Variants in HEXD observed in about 807,000 individuals in gnomAD.
HEXD encodes N-acetyl-beta-galactosaminidase.
In HEXD, 47 loss-of-function variants were observed where a neutral mutation model predicts 54.2. The observed-to-expected ratio is 0.87, with a 90% CI of 0.69 to 1.11. The LOEUF (loss-of-function observed/expected upper bound fraction) is 1.11. HEXD is among the 50% of genes least tolerant of loss of function. HEXD has a pLI of 0.00. For missense variants in HEXD, 576 were observed against 649.2 expected (o/e 0.89, Z 1.23); for synonymous variants, 293 against 287.6 (o/e 1.02, Z -0.19).
At chr17:82,423,602 C>T (rs2143398925) in intron 2 of HEXD, 1 of 152,322 alleles carries the variant, frequency 6.6e-6, no homozygotes, top group African/African-American at 2.4e-5. Context: ...TACCTGAGGT[C>T]AGGAGTTCGA....
chr17:82,431,418 C>G (rs1457239724), intron 4 of HEXD, among the ~76,000 whole-genome samples: 1 of 151,184 alleles, frequency 6.6e-6, no homozygotes, highest in African/African-American at 2.4e-5. Context: ...GCCTCTGCCT[C>G]CCTAAGTGCT....
intron 2 of HEXD, among the ~76,000 whole-genome samples, chr17:82,422,841 G>C (rs1041192815): frequency 9.9e-5 from 15 of 152,124 alleles, no homozygotes; most frequent in Admixed American, 3.3e-4. Context: ...TGGATCACCT[G>C]AGGTCAGGAG....
chr17:82,436,809 C>T, intron 7 of HEXD, 71 bp downstream of exon 7: 1 of 1,427,678 alleles, frequency 7.0e-7, no homozygotes, highest in Non-Finnish European at 9.7e-7. Context: ...GGCCCTGTGA[C>T]CCTGCAGCCG....
chr17:82,419,164 G>A (rs2053156849), intron 1 of HEXD, among the ~76,000 whole-genome samples: 1 of 152,136 alleles, frequency 6.6e-6, no homozygotes, highest in Non-Finnish European at 1.5e-5. Flanking sequence ...TTATCCCTTG[G>A]ATGCCGCCTT....
At chr17:82,435,896 G>T (rs372898846) in intron 6 of HEXD, 24 bp downstream of exon 6, 7 of 1,592,608 alleles carry the variant, frequency 4.4e-6, no homozygotes, top group Non-Finnish European at 6.0e-6. Context: ...GCTGGGGGAG[G>T]GGGTGGGCCA....
At chr17:82,429,871 C>T (rs376584590) in intron 4 of HEXD, among the ~76,000 whole-genome samples, 2 of 152,192 alleles carry the variant, frequency 1.3e-5, no homozygotes, top group African/African-American at 2.4e-5. Flanking sequence ...TCCTCTTCCT[C>T]TTCTGTCTGC....
chr17:82,428,801 A>G (rs2053495293), intron 4 of HEXD, among the ~76,000 whole-genome samples, 156 bp downstream of exon 4: 1 of 152,144 alleles, frequency 6.6e-6, no homozygotes, highest in Non-Finnish European at 1.5e-5. Context: ...TGGTCTAGGA[A>G]GTCCCTGCCT....
rs1225492968 is a variant in HEXD, at chr17:82,433,120, ATATATATATTT to A, written c.283-536_283-526del. 4.6e-3 allele frequency among the ~76,000 whole-genome samples: 83 copies of A among 18,196 alleles called. 13 individuals are homozygous for A. The highest frequency in any genetic ancestry group is 0.027 in the African/African-American group (52 of 1,922). 11.9% of individuals were successfully genotyped at this position (18,196 alleles called of 152,430 possible). ...TATATATATATATATATATATATATATATATATATTTTTTTTTTTTTTTTATATATATATTT... is the reference window on the plus strand; with the variant it reads ...TATATATATATATATATATATATATATTTTTTTTTTTTTATATATATATTT... On this transcript the variant is annotated intron_variant, in intron 4 of 12. Coordinates refer to ENST00000327949, the MANE Select transcript of HEXD (RefSeq NM_001330542.2).
chr17:82,433,145 AT>A lies in HEXD; in HGVS notation c.283-512del, dbSNP rs1318392922. On this transcript the variant is annotated intron_variant, in intron 4 of 12. Coordinates refer to ENST00000327949, the MANE Select transcript of HEXD (RefSeq NM_001330542.2). Reference sequence around the variant, plus strand: ...ATATATATATTTTTTTTTTTTTTTTATATATATATTTTTAGTCTGGGCGTGG... The same window carrying A: ...ATATATATATTTTTTTTTTTTTTTTAATATATATTTTTAGTCTGGGCGTGG... Among the ~76,000 whole-genome samples the A allele has an allele frequency of 1.4e-4, 5 of 34,740 alleles. 1 individual carries two copies. Among genetic ancestry groups the A allele is most frequent in the Non-Finnish European group, 2.8e-4 (5 of 17,632 alleles). The allele number at this position is 34,740 out of a possible 152,430, so 22.8% of individuals were successfully genotyped here. A position where few individuals can be genotyped will look rare whatever the true frequency, so the allele number is the denominator to read the frequency against.
chr17:82,433,128 ATTTTTTTTTTT>A (rs758489285), intron 4 of HEXD, among the ~76,000 whole-genome samples: 756 of 12,984 alleles, frequency 0.058, 88 homozygotes, highest in East Asian at 0.15. Context: ...ATATATATAT[ATTTTTTTTTTT>A]TTTTTATATA....
In HEXD at chr17:82,433,597, G is replaced by A. The variant is rs1599742009; in HGVS notation, c.283-61G>A. On this transcript the variant is annotated intron_variant, in intron 4 of 12. Transcript: ENST00000327949. ...AGATTTGAAACAGAAGCCCCAGGTG[G>A]GCAGAAGGAGATCAGTCCAGCTCCT... is the stretch of plus-strand genomic sequence containing the variant. The A allele has an allele frequency of 2.1e-6, 3 of 1,451,696 alleles. No homozygotes were observed. The East Asian group carries it at 8.1e-5, about 39-fold the overall frequency. 89.9% of individuals were successfully genotyped at this position (1,451,696 alleles called of 1,614,324 possible).
At chr17:82,437,466 G>A in intron 8 of HEXD, 103 bp downstream of exon 8, 1 of 1,061,880 alleles carries the variant, frequency 9.4e-7, no homozygotes, top group Non-Finnish European at 1.3e-6. Flanking sequence ...GTTGGTCAAA[G>A]GGGAAGCAGC....
Position 82,442,616 on chromosome 17 carries a change from T to C in HEXD, c.*232T>C. Reference sequence around the variant, plus strand: ...GATCTGCATGTGTGACACTGATTCTTTGGAAATAAAGAGTGGAAGCTGCAG... The same window carrying C: ...GATCTGCATGTGTGACACTGATTCTCTGGAAATAAAGAGTGGAAGCTGCAG... On this transcript the variant is annotated 3_prime_UTR_variant, in exon 13 of 13. Coordinates refer to ENST00000327949, the MANE Select transcript of HEXD (RefSeq NM_001330542.2). This position sits in a 1 kb window ranked among gnomAD's most constrained non-coding sequence, Gnocchi z 6.8. The C allele has an allele frequency of 3.9e-6, 6 of 1,544,578 alleles. No individual in the cohort carries two copies. The highest frequency in any genetic ancestry group is 4.4e-6 in the Non-Finnish European group (5 of 1,138,864).
intron 4 of HEXD, among the ~76,000 whole-genome samples, chr17:82,430,262 A>G (rs962135732): frequency 1.3e-5 from 2 of 152,226 alleles, no homozygotes; most frequent in African/African-American, 4.8e-5. Context: ...GCCACAAACC[A>G]GGTGGCTTAA....
chr17:82,439,848 G>A (rs937534357), intron 9 of HEXD, 135 bp downstream of exon 9: 23 of 1,552,410 alleles, frequency 1.5e-5, no homozygotes, highest in South Asian at 4.6e-5. Flanking sequence ...TGGTCTCACC[G>A]CCCCAGCTCA....
chr17:82,423,262 C>T (rs2053290423), intron 2 of HEXD: 1 of 152,230 alleles, frequency 6.6e-6, no homozygotes, highest in Admixed American at 6.6e-5. Flanking sequence ...CTCAGGTGGT[C>T]ACAGCCCCGT....
At chr17:82,433,966 G>C in intron 5 of HEXD, 144 bp downstream of exon 5, 3 of 761,394 alleles carry the variant, frequency 3.9e-6, no homozygotes, top group Non-Finnish European at 6.0e-6. Flanking sequence ...TCTTCTCCGA[G>C]TGGATGGGCG....
chr17:82,424,070 C>T (rs2053321977), intron 2 of HEXD, among the ~76,000 whole-genome samples: 1 of 152,020 alleles, frequency 6.6e-6, no homozygotes, highest in Non-Finnish European at 1.5e-5. Flanking sequence ...GGCTGCCTTG[C>T]TGGGCCGCCG....
intron 2 of HEXD, 170 bp downstream of exon 2, chr17:82,420,053 CA>C: frequency 2.7e-6 from 1 of 364,624 alleles, no homozygotes; most frequent in East Asian, 4.0e-5. Flanking sequence ...TAGCCTCTCA[CA>C]AAAACAGAAC....
Sources: allele counts gnomAD v4.1 joint callset (sites outside exome capture counted in the v4.1 genomes callset), GRCh38; gene constraint gnomAD v4.1.1; non-coding constraint Gnocchi (gnomAD v3.1); transcripts MANE v1.5; gene names NCBI Gene and HGNC (gene_info 2026-07-23, HGNC 2026-07-21).